The following KATNIP variants were observed in gnomAD, a reference collection of about 807,000 sequenced individuals.
KATNIP encodes the protein katanin interacting protein.
Under a neutral mutation model 174.0 loss-of-function variants are expected in KATNIP, and 126 were observed. The ratio of observed to expected loss-of-function variants is 0.72; its 90% confidence interval spans 0.63 to 0.84. KATNIP has a LOEUF of 0.84. Ranked by LOEUF, KATNIP falls within the 40% of genes least tolerant of loss-of-function variation. The probability of loss-of-function intolerance (pLI) is 0.00; values close to 1 mark genes in which losing one functional copy is unlikely to be tolerated. For missense variants in KATNIP, 1,958 were observed against 2,109.7 expected, an observed-to-expected ratio of 0.93 and a Z score of 1.41; for synonymous variants, 810 against 835.7, an observed-to-expected ratio of 0.97 and a Z score of 0.53.
At chr16:27,582,528 G>T (rs1487039572) in intron 2 of KATNIP, among the ~76,000 whole-genome samples, 1 of 152,186 alleles carries the variant, frequency 6.6e-6, no homozygotes, top group Non-Finnish European at 1.5e-5. Context: ...AACTTGAAGA[G>T]AGGGGCCCTG....
Position 27,766,424 on chromosome 16 carries a change from G to T in KATNIP, c.3925G>T (p.Gly1309Cys). 2 of 1,614,058 alleles carry T rather than the reference G, an allele frequency of 1.2e-6. No individual in the cohort carries two copies. The highest frequency in any genetic ancestry group is 1.7e-6 in the Non-Finnish European group (2 of 1,180,022). ...IRLDRAESIA[G>C]LRFWNYNKSP... ...CCTGGACAGGGCCGAAAGCATCGCA[G>T]GCCTGCGCTTCTGGAACTACAATAA... is the stretch of plus-strand genomic sequence containing the variant. The change falls in exon 20 of 28, where the codon GGC becomes TGC. Residue 1309 changes from glycine (G) to cysteine (C), a missense_variant. Gly to Cys is a radical substitution (Grantham distance 159). This residue lies in a region of KATNIP where 383 missense variants were observed against 456.0 expected (regional missense o/e 0.84). Transcript: ENST00000261588.
chr16:27,719,457 C>T (rs965286566), intron 13 of KATNIP, among the ~76,000 whole-genome samples: 1 of 151,590 alleles, frequency 6.6e-6, no homozygotes, highest in African/African-American at 2.4e-5. Flanking sequence ...ACTGCAGCCT[C>T]CACCTTCTGG....
intron 4 of KATNIP, among the ~76,000 whole-genome samples, chr16:27,630,458 A>G (rs2076451207): frequency 6.6e-6 from 1 of 152,210 alleles, no homozygotes; most frequent in South Asian, 2.1e-4. Context: ...ATGATTCCTG[A>G]AATGGTTTCC....
intron 8 of KATNIP, among the ~76,000 whole-genome samples, chr16:27,692,528 C>T (rs1474919407): frequency 6.6e-6 from 1 of 152,130 alleles, no homozygotes; most frequent in African/African-American, 2.4e-5. Flanking sequence ...ACCATCCTTC[C>T]CCTTGCCCCC....
intron 6 of KATNIP, among the ~76,000 whole-genome samples, chr16:27,675,199 C>T (rs961859902): frequency 6.6e-6 from 1 of 152,148 alleles, no homozygotes; most frequent in Non-Finnish European, 1.5e-5. Flanking sequence ...TGGCAGAAGG[C>T]AAAGAAGGAG....
intron 14 of KATNIP, among the ~76,000 whole-genome samples, chr16:27,733,322 ATTG>A (rs1228696614): frequency 1.3e-5 from 2 of 152,128 alleles, no homozygotes; most frequent in Non-Finnish European, 2.9e-5. Context: ...TAATATTAAT[ATTG>A]TATTAAAAAT....
chr16:27,628,475 C>CTAA, intron 3 of KATNIP, 186 bp from the exon 4 acceptor site: 3 of 603,922 alleles, frequency 5.0e-6, no homozygotes, highest in Non-Finnish European at 8.7e-6. Context: ...GTCTGCCCCT[C>CTAA]GTGGCTTCTC....
intron 14 of KATNIP, among the ~76,000 whole-genome samples, chr16:27,729,239 TCTC>T (rs1461239930): frequency 9.2e-5 from 14 of 152,262 alleles, no homozygotes; most frequent in Middle Eastern, 3.4e-3. Flanking sequence ...TTAGCTCTCT[TCTC>T]CTCTGTGCTG....
chr16:27,584,715 C>T (rs909886223), intron 2 of KATNIP, among the ~76,000 whole-genome samples: 4 of 151,852 alleles, frequency 2.6e-5, no homozygotes, highest in Non-Finnish European at 5.9e-5. Flanking sequence ...CGCATGAACC[C>T]ATGAGGCGGA....
At chr16:27,722,872 T>C (rs1348291178) in intron 14 of KATNIP, among the ~76,000 whole-genome samples, 1 of 152,220 alleles carries the variant, frequency 6.6e-6, no homozygotes, top group Non-Finnish European at 1.5e-5. Flanking sequence ...TAAATGTCAG[T>C]AGCTAATTTA....
chr16:27,694,676 G>T (rs779970865), intron 8 of KATNIP, among the ~76,000 whole-genome samples: 3 of 151,940 alleles, frequency 2.0e-5, no homozygotes, highest in Admixed American at 6.6e-5. Flanking sequence ...CATGCTTGTA[G>T]TCCCAGCTAC....
intron 19 of KATNIP, among the ~76,000 whole-genome samples, chr16:27,765,821 C>T (rs887562561): frequency 2.0e-5 from 3 of 152,216 alleles, no homozygotes; most frequent in African/African-American, 7.2e-5. Flanking sequence ...CTCATGATGG[C>T]ACCTTAACCC....
At position 27,751,996 on chromosome 16, in the gene KATNIP, G is replaced by A. The variant is rs531898753; in HGVS notation, c.3552+72G>A. ...CTTCCCCTAACTCAGAGTAGAGCAG[G>A]GAGAATTAAGATGGATATCCTTTAA... On this transcript the variant is annotated intron_variant, in intron 17 of 27. Transcript: ENST00000261588. The A allele has an allele frequency of 9.4e-5, 117 of 1,239,412 alleles. 1 individual carries two copies. The South Asian group carries it at 1.7e-3, about 18-fold the overall frequency. 76.8% of individuals were successfully genotyped at this position (1,239,412 alleles called of 1,614,324 possible).
At chr16:27,711,311 A>T (rs1237526270) in intron 13 of KATNIP, among the ~76,000 whole-genome samples, 1 of 152,192 alleles carries the variant, frequency 6.6e-6, no homozygotes, top group Non-Finnish European at 1.5e-5. Flanking sequence ...TGTCCTACTT[A>T]GTTGACTGTT....
At chr16:27,736,968 T>G (rs1201869472) in intron 14 of KATNIP, among the ~76,000 whole-genome samples, 4 of 148,700 alleles carry the variant, frequency 2.7e-5, no homozygotes, top group Non-Finnish European at 4.5e-5. Flanking sequence ...ATACTGGATA[T>G]GAGTGAGAAA....
intron 2 of KATNIP, among the ~76,000 whole-genome samples, chr16:27,583,087 C>T (rs776219659): frequency 6.6e-6 from 1 of 152,116 alleles, no homozygotes; most frequent in African/African-American, 2.4e-5. Flanking sequence ...TTAACAACAA[C>T]AGGGCCAAGA....
rs766092570 is a variant in KATNIP, at chr16:27,721,803, TGCTGGCCTC to T, written c.1743+110_1743+118del. 9.4e-4 allele frequency: 1,191 copies of T among 1,271,914 alleles called. 5 individuals carry two copies. Among genetic ancestry groups the T allele is most frequent in the Non-Finnish European group, 8.8e-4 (805 of 918,134 alleles). The allele number at this position is 1,271,914 out of a possible 1,614,324, so 78.8% of individuals were successfully genotyped here. ...TTGCAAAATGGATACACGGAAGCCC[TGCTGGCCTC>T]GTGTGTGCAGCAAGAGCCTGCTGGT... is the stretch of plus-strand genomic sequence containing the variant. On this transcript the variant is annotated intron_variant, in intron 14 of 27. Coordinates refer to ENST00000261588, the MANE Select transcript of KATNIP (RefSeq NM_015202.5).
In KATNIP at chr16:27,570,428, A is replaced by C. The variant is rs1201945113; in HGVS notation, c.8-3473A>C. On this transcript the variant is annotated intron_variant, in intron 1 of 27. Coordinates refer to ENST00000261588, the MANE Select transcript of KATNIP (RefSeq NM_015202.5). Reference sequence around the variant, plus strand: ...AAAAAAATACAAAAATTAGCCAGGCATGGTGGTGGGCATCTGTAATCCCAG... The same window carrying C: ...AAAAAAATACAAAAATTAGCCAGGCCTGGTGGTGGGCATCTGTAATCCCAG... Among the ~76,000 whole-genome samples the C allele has an allele frequency of 2.0e-5, 3 of 152,036 alleles. No homozygotes were observed. In the East Asian group the frequency reaches 5.8e-4, roughly 29 times the overall value.
chr16:27,559,959 C>T (rs150033250), intron 1 of KATNIP, among the ~76,000 whole-genome samples: 10 of 151,844 alleles, frequency 6.6e-5, no homozygotes, highest in African/African-American at 1.9e-4. Context: ...CCAGCCTGGG[C>T]GACAGAGCGA....
Sources: allele counts gnomAD v4.1 joint callset (sites outside exome capture counted in the v4.1 genomes callset), GRCh38; gene constraint gnomAD v4.1.1; regional missense constraint gnomAD v4.1.1; transcripts MANE v1.5; gene names NCBI Gene and HGNC (gene_info 2026-07-23, HGNC 2026-07-21).